ATP11B: variants seen among roughly 807,000 people sequenced by gnomAD.
ATP11B encodes ATPase phospholipid transporting 11B (putative).
Under a neutral mutation model 157.8 loss-of-function variants are expected in ATP11B, and 81 were observed. The ratio of observed to expected loss-of-function variants is 0.51; its 90% CI spans 0.43 to 0.62. The LOEUF is 0.62. Ranked by LOEUF, ATP11B falls within the 20% of genes least tolerant of loss-of-function variation. The pLI is 0.00. For missense variants in ATP11B, 1,165 were observed against 1,402.2 expected (o/e 0.83, Z 2.70); for synonymous variants, 451 against 469.4 (o/e 0.96, Z 0.51).
intron 1 of ATP11B, among the ~76,000 whole-genome samples, chr3:182,817,361 A>G (rs1352247355): frequency 6.6e-6 from 1 of 151,512 alleles, no homozygotes; most frequent in East Asian, 1.9e-4. Context: ...GCTCACTGCA[A>G]CCTCCACCTC....
chr3:182,842,704 A>G (rs1719145301), intron 8 of ATP11B, among the ~76,000 whole-genome samples: 1 of 152,104 alleles, frequency 6.6e-6, no homozygotes, highest in East Asian at 1.9e-4. Context: ...GGCTGAACAC[A>G]CCCAACATTA....
chr3:182,855,077 T>A (rs191698462), intron 10 of ATP11B, among the ~76,000 whole-genome samples: 357 of 152,184 alleles, frequency 2.3e-3, no homozygotes, highest in Non-Finnish European at 3.7e-3. Context: ...ATTCTGAAAT[T>A]TAGATAGAAA....
intron 4 of ATP11B, among the ~76,000 whole-genome samples, chr3:182,834,775 T>C (rs1477461517): frequency 6.6e-6 from 1 of 152,198 alleles, no homozygotes; most frequent in Non-Finnish European, 1.5e-5. Flanking sequence ...TTAAGCACAA[T>C]TGACCCTTGA....
chr3:182,844,578 TCAA>T (rs2108518283), intron 8 of ATP11B: 1 of 984,334 alleles, frequency 1.0e-6, no homozygotes, highest in East Asian at 1.1e-4. Flanking sequence ...GACCTGTGCT[TCAA>T]GAAGTATGCA....
chr3:182,904,990 C>A (rs747928815), intron 28 of ATP11B, among the ~76,000 whole-genome samples: 4 of 151,846 alleles, frequency 2.6e-5, no homozygotes, highest in Admixed American at 6.6e-5. Flanking sequence ...TCCCCTCTTC[C>A]CCTGTGTTAT....
intron 4 of ATP11B, among the ~76,000 whole-genome samples, chr3:182,832,935 ATAT>A (rs894475423): frequency 1.3e-5 from 2 of 152,086 alleles, no homozygotes; most frequent in East Asian, 1.9e-4. Context: ...TGTGGAGGAA[ATAT>A]TATTATTATT....
intron 28 of ATP11B, among the ~76,000 whole-genome samples, chr3:182,913,032 T>G (rs984914270): frequency 6.6e-6 from 1 of 152,172 alleles, no homozygotes; most frequent in Non-Finnish European, 1.5e-5. Context: ...GTTAAAATTG[T>G]TAGTCGTGTG....
intron 1 of ATP11B, among the ~76,000 whole-genome samples, chr3:182,803,839 A>G (rs1370075936): frequency 2.0e-5 from 3 of 152,176 alleles, no homozygotes; most frequent in Non-Finnish European, 1.5e-5. Flanking sequence ...ACTCTGTCAT[A>G]TACCAGCATT....
chr3:182,917,332 G>A, intron 29 of ATP11B: 7 of 985,246 alleles, frequency 7.1e-6, no homozygotes, highest in Non-Finnish European at 8.4e-6. Flanking sequence ...GCTACTTTTG[G>A]TCTTGAGTTA....
In ATP11B at chr3:182,908,196, C is replaced by CTTTTT. The variant is rs10716562; in HGVS notation, c.3319-5644_3319-5640dup. Among the ~76,000 whole-genome samples, 219 of 70,732 alleles carry CTTTTT rather than the reference C, an allele frequency of 3.1e-3. 1 individual carries two copies. The highest frequency in any genetic ancestry group is 5.1e-3 in the African/African-American group (88 of 17,414). 46.4% of individuals were successfully genotyped at this position (70,732 alleles called of 152,430 possible). On this transcript the variant is annotated intron_variant, in intron 28 of 29. Transcript: ENST00000323116. ...AATATAATTCTCATATTATTATTTT[C>CTTTTT]TTTTTTTTTTTTTTTTTTTTTTTTT...
intron 28 of ATP11B, 60 bp from the exon 29 acceptor site, chr3:182,913,801 A>G: frequency 1.9e-6 from 3 of 1,612,890 alleles, no homozygotes; most frequent in Non-Finnish European, 2.5e-6. Context: ...GTAATGTTCT[A>G]ATGCTTTTCA....
chr3:182,811,453 A>G (rs563794628), intron 1 of ATP11B, among the ~76,000 whole-genome samples: 6 of 152,276 alleles, frequency 3.9e-5, no homozygotes, highest in Non-Finnish European at 7.4e-5. Flanking sequence ...TCACCCACCC[A>G]GTAACTAAAT....
intron 1 of ATP11B, among the ~76,000 whole-genome samples, chr3:182,814,664 CTGGGCATGGTGGTGTGCA>C (rs1264287118): frequency 3.3e-5 from 5 of 152,094 alleles, no homozygotes; most frequent in South Asian, 2.1e-4. Context: ...TAAAAGTTAG[CTGGGCATGGTGGTGTGCA>C]TCTGTAGTCC....
At chr3:182,880,379 CAG>C (rs1164812006) in intron 20 of ATP11B, among the ~76,000 whole-genome samples, 4 of 152,124 alleles carry the variant, frequency 2.6e-5, no homozygotes, top group African/African-American at 9.7e-5. Flanking sequence ...GGAGACCAAA[CAG>C]AGCAAATACC....
rs1719679997 is a variant in ATP11B at position 182,848,126 on chromosome 3, C to T, written c.770-350C>T. 2.6e-5 allele frequency among the ~76,000 whole-genome samples: 4 copies of T among 152,310 alleles called. No homozygotes were observed. In the South Asian group the frequency reaches 8.3e-4, roughly 32 times the overall value. The stretch of plus-strand genomic sequence containing the variant: ...CCTAACAGAAAGTGCTTTTCCATAT[C>T]TGTCTTTGTTAACACTGCTGTATTT... On this transcript the variant is annotated intron_variant, in intron 9 of 29. Transcript: ENST00000323116.
chr3:182,862,488 A>G (rs622205), intron 12 of ATP11B, among the ~76,000 whole-genome samples: 128,376 of 152,114 alleles, frequency 0.84, 54,607 homozygotes, highest in African/African-American at 0.9. Flanking sequence ...GATTCTGTCC[A>G]GTTCAGCCTA....
chr3:182,910,066 G>A (rs2108593628), intron 28 of ATP11B, among the ~76,000 whole-genome samples: 1 of 103,732 alleles, frequency 9.6e-6, no homozygotes, highest in Non-Finnish European at 1.8e-5. Context: ...GTGAGACTCG[G>A]CCTCCAGAAA....
intron 9 of ATP11B, among the ~76,000 whole-genome samples, 187 bp downstream of exon 9, chr3:182,845,709 G>C (rs1309289402): frequency 1.3e-5 from 2 of 152,102 alleles, no homozygotes; most frequent in Non-Finnish European, 2.9e-5. Flanking sequence ...GATGATCCCT[G>C]TTTTTTAATA....
Position 182,913,991 on chromosome 3 carries a change from G to T in ATP11B, c.3449G>T (p.Ser1150Ile). Reference sequence around the variant, plus strand: ...GGAAGATGTAGTCCAACCCACATCAGCAGGTGTGAAATCTCTCTAAGTAGC... The same window carrying T: ...GGAAGATGTAGTCCAACCCACATCATCAGGTGTGAAATCTCTCTAAGTAGC... ...VIGRCSPTHI[S>I]RSWSASDPFY... Residue 1150 changes from serine (S) to isoleucine (I), a missense_variant, in exon 29 of 30, where the codon AGC becomes ATC. Around this residue, in one of 4 missense-constraint regions of ATP11B, gnomAD observed 303 missense variants for 296.3 expected, o/e 1.02. Transcript: ENST00000323116. 1 of 1,613,888 alleles carries T rather than the reference G, an allele frequency of 6.2e-7. No homozygotes were observed. Among genetic ancestry groups the T allele is most frequent in the African/African-American group, 1.3e-5 (1 of 75,038 alleles).
Sources: allele counts gnomAD v4.1 joint callset (sites outside exome capture counted in the v4.1 genomes callset), GRCh38; gene constraint gnomAD v4.1.1; regional missense constraint gnomAD v4.1.1; transcripts MANE v1.5; gene names NCBI Gene and HGNC (gene_info 2026-07-23, HGNC 2026-07-21).